Variants in PDZRN4 observed in about 807,000 individuals in gnomAD.
PDZRN4 encodes PDZ domain containing ring finger 4.
In PDZRN4, 70 loss-of-function variants were observed where a neutral mutation model predicts 99.0. The observed-to-expected ratio is 0.71, with a 90% CI of 0.58 to 0.86. PDZRN4 has a LOEUF of 0.86. Ranked by LOEUF, PDZRN4 falls within the 40% of genes least tolerant of loss-of-function variation. The pLI, the probability that PDZRN4 is intolerant of heterozygous loss-of-function variation, is 0.00. For missense variants in PDZRN4, 1,474 were observed against 1,331.2 expected (o/e 1.11, Z -1.67); for synonymous variants, 551 against 501.6 (o/e 1.10, Z -1.32).
chr12:41,541,629 A>C (rs1472801182), intron 5 of PDZRN4, among the ~76,000 whole-genome samples: 1 of 150,748 alleles, frequency 6.6e-6, no homozygotes, highest in Non-Finnish European at 1.5e-5. Flanking sequence ...AATTTTTTGT[A>C]TTTTTAGTAG....
At chr12:41,320,004 C>T (rs1056723007) in intron 3 of PDZRN4, among the ~76,000 whole-genome samples, 14 of 152,220 alleles carry the variant, frequency 9.2e-5, no homozygotes, top group African/African-American at 3.1e-4. Flanking sequence ...TTAGACTGTG[C>T]TTCTGCACGT....
intron 1 of PDZRN4, among the ~76,000 whole-genome samples, chr12:41,190,043 A>G (rs1045610550): frequency 6.6e-6 from 1 of 152,120 alleles, no homozygotes; most frequent in Non-Finnish European, 1.5e-5. Flanking sequence ...AGTGTCTGAC[A>G]TTGTTGGTCG....
rs11180983 is a variant in PDZRN4, at chr12:41,534,010, A to C, written c.1204-18646A>C. 7.6e-3 allele frequency among the ~76,000 whole-genome samples: 1,151 copies of C among 152,272 alleles called. 48 individuals carry two copies. The East Asian group carries it at 0.14, about 18-fold the overall frequency. ...GTGCTTATCTTAGAAATTTGAGTTT[A>C]ACAATTTCAAAATTAATTAATTCTT... On this transcript the variant is annotated intron_variant, in intron 5 of 9. Coordinates refer to ENST00000402685, the MANE Select transcript of PDZRN4 (RefSeq NM_001164595.2).
At position 41,279,932 on chromosome 12, in the gene PDZRN4, G is replaced by A. The variant is rs180909314; in HGVS notation, c.843+85744G>A. ...TAGGGAATTCCTGGGCAAGATGGCC[G>A]AATAGGAACAGCTGTGGTCTGCAGC... On this transcript the variant is annotated intron_variant, in intron 3 of 9. Coordinates refer to ENST00000402685, the MANE Select transcript of PDZRN4 (RefSeq NM_001164595.2). Among the ~76,000 whole-genome samples the A allele has an allele frequency of 1.2e-4, 18 of 152,240 alleles. No homozygotes were observed. In the East Asian group the frequency reaches 2.7e-3, roughly 23 times the overall value.
chr12:41,432,537 A>G (rs761602106), intron 3 of PDZRN4, among the ~76,000 whole-genome samples: 30 of 152,260 alleles, frequency 2.0e-4, no homozygotes, highest in African/African-American at 4.3e-4. Flanking sequence ...TTAAAGGCAC[A>G]GAATGTGAAA....
chr12:41,570,798 C>T (rs1456782873), intron 9 of PDZRN4, among the ~76,000 whole-genome samples: 6 of 151,984 alleles, frequency 3.9e-5, no homozygotes, highest in Admixed American at 1.3e-4. Flanking sequence ...TCCCATTGTT[C>T]GTTACAGTTA....
chr12:41,233,610 A>G (rs1004658313), intron 3 of PDZRN4, among the ~76,000 whole-genome samples: 2 of 152,110 alleles, frequency 1.3e-5, no homozygotes, highest in Non-Finnish European at 2.9e-5. Context: ...ATGCAGCCAT[A>G]AAAAATGATG....
At chr12:41,506,982 C>T (rs561445400) in intron 4 of PDZRN4, among the ~76,000 whole-genome samples, 1 of 152,220 alleles carries the variant, frequency 6.6e-6, no homozygotes, top group South Asian at 2.1e-4. Flanking sequence ...AGTTCATCTT[C>T]ATATTACTAG....
chr12:41,350,588 T>C (rs918372185), intron 3 of PDZRN4, among the ~76,000 whole-genome samples: 8 of 151,996 alleles, frequency 5.3e-5, no homozygotes, highest in Non-Finnish European at 7.4e-5. Context: ...CTCAAGAGGG[T>C]TGTATTCTAG....
intron 3 of PDZRN4, among the ~76,000 whole-genome samples, chr12:41,431,394 C>T (rs1952584768): frequency 6.6e-6 from 1 of 152,172 alleles, no homozygotes; most frequent in African/African-American, 2.4e-5. Flanking sequence ...ATTTGCCCCA[C>T]ATTACATCAA....
intron 3 of PDZRN4, among the ~76,000 whole-genome samples, chr12:41,359,999 T>C (rs1951953723): frequency 6.6e-6 from 1 of 152,004 alleles, no homozygotes; most frequent in Non-Finnish European, 1.5e-5. Context: ...CTGCACACTC[T>C]TCCTTTCTAC....
At chr12:41,348,973 A>T (rs1951873396) in intron 3 of PDZRN4, among the ~76,000 whole-genome samples, 1 of 151,924 alleles carries the variant, frequency 6.6e-6, no homozygotes, top group African/African-American at 2.4e-5. Context: ...TCATATAAAT[A>T]TTTTATTCTT....
chr12:41,485,517 CTCTT>C (rs1937758134), intron 3 of PDZRN4, among the ~76,000 whole-genome samples: 2 of 152,146 alleles, frequency 1.3e-5, no homozygotes, highest in Non-Finnish European at 2.9e-5. Flanking sequence ...TAATCTTTCT[CTCTT>C]TCTCTCTCTT....
intron 3 of PDZRN4, among the ~76,000 whole-genome samples, chr12:41,209,362 A>G (rs1027614731): frequency 1.9e-4 from 28 of 149,736 alleles, no homozygotes; most frequent in African/African-American, 6.6e-4. Context: ...ATTTTTTATT[A>G]TACTTTAAGT....
chr12:41,209,533 T>C (rs1280169627), intron 3 of PDZRN4, among the ~76,000 whole-genome samples: 7 of 145,364 alleles, frequency 4.8e-5, no homozygotes, highest in African/African-American at 1.8e-4. Flanking sequence ...TGTGTGATGT[T>C]CCCCTTCCTG....
At chr12:41,446,619 C>G (rs553834216) in intron 3 of PDZRN4, among the ~76,000 whole-genome samples, 1 of 151,712 alleles carries the variant, frequency 6.6e-6, no homozygotes, top group African/African-American at 2.4e-5. Context: ...GCTCAGAACT[C>G]TGCTAGATAG....
chr12:41,521,641 G>C (rs1032906018), intron 5 of PDZRN4, among the ~76,000 whole-genome samples: 1 of 152,110 alleles, frequency 6.6e-6, no homozygotes, highest in Non-Finnish European at 1.5e-5. Context: ...TGAAGCCTGT[G>C]AAGGTTAAAT....
intron 3 of PDZRN4, among the ~76,000 whole-genome samples, chr12:41,401,266 C>T (rs947622718): frequency 1.3e-5 from 2 of 152,132 alleles, no homozygotes; most frequent in Non-Finnish European, 2.9e-5. Context: ...TACCATTTCC[C>T]TCATTCAGGA....
chr12:41,390,763 T>C (rs896451926), intron 3 of PDZRN4, among the ~76,000 whole-genome samples: 1 of 152,056 alleles, frequency 6.6e-6, no homozygotes, highest in Non-Finnish European at 1.5e-5. Context: ...GCTCCTGTGG[T>C]GCAAGCAATT....
Sources: gnomAD v4.1 joint callset for allele counts (sites outside exome capture counted in the v4.1 genomes callset) on GRCh38, gnomAD v4.1.1 for gene constraint, MANE v1.5 for transcripts, NCBI Gene and HGNC (gene_info 2026-07-23, HGNC 2026-07-21) for gene names.